The following NHSL1 variants were observed in gnomAD, a reference collection of about 807,000 sequenced individuals.
NHSL1 encodes NHS-like protein 1.
In NHSL1, 48 loss-of-function variants were observed where a neutral mutation model predicts 95.0. The ratio of observed to expected loss-of-function variants is 0.51; its 90% confidence interval spans 0.40 to 0.64. NHSL1 has a LOEUF of 0.64. NHSL1 is among the 30% of genes least tolerant of loss of function. The pLI, the probability that NHSL1 is intolerant of heterozygous loss-of-function variation, is 0.00. For synonymous variants in NHSL1, 783 were observed against 833.9 expected, an observed-to-expected ratio of 0.94 and a Z score of 1.05; for missense variants, 1,971 against 2,077.7, an observed-to-expected ratio of 0.95 and a Z score of 1.00.
intron 1 of NHSL1, among the ~76,000 whole-genome samples, chr6:138,606,013 C>T (rs532888677): frequency 5.9e-5 from 9 of 152,308 alleles, no homozygotes; most frequent in South Asian, 2.1e-4. Flanking sequence ...TGCTGTTCTG[C>T]TTTTTAAATA....
At chr6:138,508,834 C>A (rs1781085433) in intron 1 of NHSL1, among the ~76,000 whole-genome samples, 1 of 152,164 alleles carries the variant, frequency 6.6e-6, no homozygotes, top group East Asian at 1.9e-4. Flanking sequence ...CCAAAGTGAG[C>A]TATGCCTTTC....
upstream of NHSL1, among the ~76,000 whole-genome samples, chr6:138,575,436 G>A (rs906091269): frequency 6.6e-6 from 1 of 152,190 alleles, no homozygotes; most frequent in Non-Finnish European, 1.5e-5. Context: ...CTAGACTCAT[G>A]ACTCTCCGTC....
At chr6:138,541,413 G>A (rs893333593) in intron 1 of NHSL1, among the ~76,000 whole-genome samples, 9 of 152,218 alleles carry the variant, frequency 5.9e-5, no homozygotes, top group South Asian at 2.1e-4. Flanking sequence ...ATATTACCTC[G>A]TTTTTAAAAC....
exon 1 of NHSL1, chr6:138,571,799 A>T: frequency 6.4e-7 from 1 of 1,552,322 alleles, no homozygotes; most frequent in South Asian, 1.2e-5. Flanking sequence ...ACTGCGAAAC[A>T]GCCTCTTTGT....
In NHSL1 at chr6:138,424,510, C is replaced by T. The variant is rs577153910; in HGVS notation, c.4392G>A (p.Pro1464=). The T allele has an allele frequency of 1.4e-5, 21 of 1,551,682 alleles. No homozygotes were observed. The South Asian group carries it at 1.7e-4, about 12-fold the overall frequency. The part of the protein sequence containing the change: ...SEPSPDAPES[P]SSCSPSKNRR... ...TGTTCTTGCTTGGGGAGCAGCTTGA[C>T]GGGCTCTCGGGGGCATCTGGGGAAG... is the stretch of plus-strand genomic sequence containing the variant. The change falls in exon 8 of 8, where the codon CCG becomes CCA. Residue 1464 remains proline (P), a synonymous_variant. Coordinates refer to ENST00000343505, the MANE Select transcript of NHSL1 (RefSeq NM_001144060.2). This position sits in a 1 kb window ranked among gnomAD's most constrained non-coding sequence, Gnocchi z 5.9.
intron 3 of NHSL1, among the ~76,000 whole-genome samples, chr6:138,467,186 G>A (rs113783141): frequency 6.6e-6 from 1 of 151,024 alleles, no homozygotes; most frequent in African/African-American, 2.4e-5. Context: ...ACGGAATCTC[G>A]CTGTCGCCCA....
At chr6:138,536,840 T>G (rs1393893852) in intron 1 of NHSL1, among the ~76,000 whole-genome samples, 1 of 152,160 alleles carries the variant, frequency 6.6e-6, no homozygotes, top group Non-Finnish European at 1.5e-5. Context: ...TAAACTTCCA[T>G]CGTAATTTAC....
chr6:138,474,593 A>G (rs761249544), intron 2 of NHSL1, among the ~76,000 whole-genome samples: 1 of 152,236 alleles, frequency 6.6e-6, no homozygotes, highest in Non-Finnish European at 1.5e-5. Context: ...AGAATGGCAA[A>G]CTAATGAAAA....
At chr6:138,565,537 C>T (rs1380502670) in intron 1 of NHSL1, among the ~76,000 whole-genome samples, 1 of 152,056 alleles carries the variant, frequency 6.6e-6, no homozygotes, top group East Asian at 1.9e-4. Context: ...CTGATGAGGG[C>T]CTACGCTCTA....
intron 7 of NHSL1, among the ~76,000 whole-genome samples, chr6:138,429,468 T>C (rs1246166320): frequency 6.6e-6 from 1 of 152,130 alleles, no homozygotes; most frequent in Non-Finnish European, 1.5e-5. Context: ...GAGCAGCGCC[T>C]ACCAGAACGT....
At chr6:138,553,328 C>A (rs1303117462) in intron 1 of NHSL1, among the ~76,000 whole-genome samples, 1 of 152,184 alleles carries the variant, frequency 6.6e-6, no homozygotes, top group African/African-American at 2.4e-5. Context: ...CTGCTTTTTA[C>A]TTCTCTAAAG....
At chr6:138,557,206 T>C (rs1783225956) in intron 1 of NHSL1, among the ~76,000 whole-genome samples, 1 of 152,152 alleles carries the variant, frequency 6.6e-6, no homozygotes, top group Non-Finnish European at 1.5e-5. Context: ...CAACAGAAGA[T>C]AAACATGTAA....
intron 1 of NHSL1, chr6:138,650,387 G>A: frequency 2.1e-6 from 3 of 1,408,734 alleles, no homozygotes; most frequent in Admixed American, 1.7e-5. Flanking sequence ...TCACAGCCAT[G>A]AGGTCGCCGA....
chr6:138,442,046 G>T lies in NHSL1; in HGVS notation c.601C>A (p.Pro201Thr). Residue 201 changes from proline to threonine, a missense_variant, in exon 5 of 8, where the codon CCG becomes ACG. Physicochemically the swap from Pro to Thr is conservative, Grantham distance 38. This residue lies in a region of NHSL1 where 1,602 missense variants were observed against 1,654.5 expected (regional missense o/e 0.97). Transcript: ENST00000343505. The part of the protein sequence containing the change: ...LIYTDTLVRR[P>T]KKVKRRKTIT... Reference sequence around the variant, plus strand: ...GTCTTTCTCCTTTTGACTTTCTTCGGTCGTCTTACCAGAGTGTCTGTGTAA... The same window carrying T: ...GTCTTTCTCCTTTTGACTTTCTTCGTTCGTCTTACCAGAGTGTCTGTGTAA... The T allele has an allele frequency of 6.4e-7, 1 of 1,551,234 alleles. No individual in the cohort carries two copies. The highest frequency in any genetic ancestry group is 8.7e-7 in the Non-Finnish European group (1 of 1,146,782).
chr6:138,470,884 T>C (rs1268760549), intron 3 of NHSL1, among the ~76,000 whole-genome samples: 1 of 152,198 alleles, frequency 6.6e-6, no homozygotes, highest in East Asian at 1.9e-4. Context: ...CCTGGTCTAG[T>C]GATGCCAGTG....
Position 138,671,875 on chromosome 6 carries a change from C to G in NHSL1, c.96+20601G>C, listed in dbSNP as rs553914298. Among the ~76,000 whole-genome samples, 5 of 152,144 alleles carry G rather than the reference C, an allele frequency of 3.3e-5. 1 individual carries two copies. In the South Asian group the frequency reaches 1.0e-3, roughly 32 times the overall value. On this transcript the variant is annotated intron_variant, in intron 1 of 3. Transcript: ENST00000491526. The stretch of plus-strand genomic sequence containing the variant: ...GTGGACACTGCTTTAACGCTATACA[C>G]ACTGAATGCTGAACTAAACAAAGCA...
At chr6:138,662,023 A>T (rs1785234162) in intron 1 of NHSL1, among the ~76,000 whole-genome samples, 1 of 152,140 alleles carries the variant, frequency 6.6e-6, no homozygotes, top group African/African-American at 2.4e-5. Flanking sequence ...GCAGTGAGAT[A>T]TGATTGTACC....
intron 1 of NHSL1, among the ~76,000 whole-genome samples, chr6:138,660,253 A>G (rs1270713230): frequency 6.6e-6 from 1 of 152,140 alleles, no homozygotes; most frequent in Non-Finnish European, 1.5e-5. Context: ...TTCATTTTGT[A>G]TACTTCCTCT....
intron 1 of NHSL1, among the ~76,000 whole-genome samples, chr6:138,681,861 A>T (rs1785516014): frequency 6.6e-6 from 1 of 152,206 alleles, no homozygotes. Context: ...TATTACTGAT[A>T]ACACCTTTAA....
Sources: allele counts gnomAD v4.1 joint callset (sites outside exome capture counted in the v4.1 genomes callset), GRCh38; gene constraint gnomAD v4.1.1; regional missense constraint gnomAD v4.1.1; non-coding constraint Gnocchi (gnomAD v3.1); transcripts MANE v1.5; gene names NCBI Gene and HGNC (gene_info 2026-07-23, HGNC 2026-07-21).